The following NRG1 variants were observed in gnomAD, a reference collection of about 807,000 sequenced individuals.
The protein encoded by NRG1 is neuregulin 1, also known as pro-neuregulin-1, membrane-bound isoform.
NRG1 carries 18 observed loss-of-function variants against 63.8 expected under a neutral mutation model. The observed-to-expected ratio is 0.28, with a 90% CI of 0.19 to 0.42. The LOEUF (loss-of-function observed/expected upper bound fraction) is 0.42. Ranked by LOEUF, NRG1 falls within the 10% of genes least tolerant of loss-of-function variation. The pLI, the probability that NRG1 is intolerant of heterozygous loss-of-function variation, is 1.00. For synonymous variants in NRG1, 302 were observed against 301.3 expected (o/e 1.00, Z -0.02); for missense variants, 762 against 814.7 (o/e 0.94, Z 0.79).
intron 1 of NRG1, among the ~76,000 whole-genome samples, chr8:32,269,206 G>C (rs561652150): frequency 2.0e-5 from 3 of 151,502 alleles, no homozygotes; most frequent in South Asian, 4.2e-4. Context: ...CCTTATTTTT[G>C]TCTCTTCCTT....
At chr8:31,736,198 C>G (rs1814646703) in intron 1 of NRG1, among the ~76,000 whole-genome samples, 1 of 152,168 alleles carries the variant, frequency 6.6e-6, no homozygotes, top group Non-Finnish European at 1.5e-5. Flanking sequence ...ATAGGGGCAT[C>G]ACTGATGTTT....
chr8:32,705,808 A>G (rs767761373), intron 5 of NRG1, among the ~76,000 whole-genome samples: 6 of 152,230 alleles, frequency 3.9e-5, no homozygotes, highest in Non-Finnish European at 8.8e-5. Context: ...TGAATCTTGA[A>G]TAGTTTGAAG....
chr8:31,764,201 T>G lies in NRG1; in HGVS notation c.37+124770T>G, dbSNP rs1157677904. ...CAACTTTTTTGAGATAATGGTAGAT[T>G]GACATGCAGTTGCAAGAAATAATAC... On this transcript the variant is annotated intron_variant, in intron 1 of 10. Coordinates refer to the NRG1 transcript ENST00000519301. 2.6e-5 allele frequency among the ~76,000 whole-genome samples: 4 copies of G among 152,122 alleles called. No individual in the cohort carries two copies. In the South Asian group the frequency reaches 8.3e-4, roughly 32 times the overall value.
chr8:32,111,414 G>C (rs556229615), intron 1 of NRG1, among the ~76,000 whole-genome samples: 30 of 152,290 alleles, frequency 2.0e-4, no homozygotes, highest in African/African-American at 7.0e-4. Context: ...ACTGCTCCCG[G>C]ACTTGCTGTA....
At chr8:31,913,345 T>C (rs570766022) in intron 1 of NRG1, among the ~76,000 whole-genome samples, 3 of 152,332 alleles carry the variant, frequency 2.0e-5, no homozygotes, top group African/African-American at 7.2e-5. Context: ...AAAGCATTTA[T>C]TGACCACATG....
chr8:31,926,209 C>A (rs1024949756), intron 1 of NRG1, among the ~76,000 whole-genome samples: 1 of 152,100 alleles, frequency 6.6e-6, no homozygotes, highest in Non-Finnish European at 1.5e-5. Context: ...TAGGATACAG[C>A]CCTTCAGAGG....
chr8:32,191,036 T>C (rs750521761), intron 1 of NRG1, among the ~76,000 whole-genome samples: 1 of 152,200 alleles, frequency 6.6e-6, no homozygotes. Flanking sequence ...AGATGTTCAC[T>C]GTGCAAACAA....
intron 1 of NRG1, among the ~76,000 whole-genome samples, chr8:32,427,649 A>T (rs1817564548): frequency 6.6e-6 from 1 of 152,130 alleles, no homozygotes; most frequent in African/African-American, 2.4e-5. Context: ...AATCCTTTTG[A>T]TTACCTTCAA....
chr8:32,713,972 A>G (rs1291818519), intron 5 of NRG1, among the ~76,000 whole-genome samples: 1 of 151,696 alleles, frequency 6.6e-6, no homozygotes, highest in African/African-American at 2.4e-5. Flanking sequence ...TTACAGGCAC[A>G]CACCACCATG....
chr8:32,662,363 C>T (rs930673207), intron 5 of NRG1, among the ~76,000 whole-genome samples: 1 of 152,100 alleles, frequency 6.6e-6, no homozygotes, highest in African/African-American at 2.4e-5. Flanking sequence ...TTAAGTGTAG[C>T]ATGGGAGGCA....
At chr8:32,647,804 T>C (rs762362331) in intron 5 of NRG1, 1 of 1,613,678 alleles carries the variant, frequency 6.2e-7, no homozygotes, top group Non-Finnish European at 8.5e-7. Context: ...ACCCATCTCT[T>C]GATGGGCTTC....
At chr8:32,284,477 C>CCCTGCCTG (rs202212855) in intron 1 of NRG1, among the ~76,000 whole-genome samples, 1,841 of 141,184 alleles carry the variant, frequency 0.013, 54 homozygotes, top group African/African-American at 0.041. Context: ...ATGCTTGCCT[C>CCCTGCCTG]CCTGCCTGCC....
At chr8:31,855,672 T>C in intron 1 of NRG1, among the ~76,000 whole-genome samples, 1 of 152,218 alleles carries the variant, frequency 6.6e-6, no homozygotes, top group East Asian at 1.9e-4. Context: ...TAGCTGGTTA[T>C]TTTGCTCCTT....
chr8:32,171,749 C>G (rs1471111105), intron 1 of NRG1, among the ~76,000 whole-genome samples: 3 of 152,142 alleles, frequency 2.0e-5, no homozygotes, highest in Non-Finnish European at 4.4e-5. Context: ...TCCCTCATTG[C>G]TAGCACAGCA....
intron 1 of NRG1, among the ~76,000 whole-genome samples, chr8:31,961,097 CTTAAA>C (rs1176046082): frequency 2.6e-5 from 4 of 152,184 alleles, no homozygotes; most frequent in Admixed American, 6.5e-5. Flanking sequence ...TGAGTGTGGA[CTTAAA>C]TTAAAAGTAA....
chr8:32,325,003 A>T (rs1801828463), intron 1 of NRG1, among the ~76,000 whole-genome samples: 1 of 152,238 alleles, frequency 6.6e-6, no homozygotes, highest in East Asian at 1.9e-4. Context: ...AATACTTAAT[A>T]TTAATTGACC....
chr8:31,991,880 A>G (rs1811158050), intron 1 of NRG1, among the ~76,000 whole-genome samples: 1 of 152,010 alleles, frequency 6.6e-6, no homozygotes, highest in Non-Finnish European at 1.5e-5. Context: ...CTGATCTAAT[A>G]CAATTTTTAT....
At chr8:32,503,713 C>T (rs1204722011) in intron 1 of NRG1, among the ~76,000 whole-genome samples, 1 of 152,168 alleles carries the variant, frequency 6.6e-6, no homozygotes, top group African/African-American at 2.4e-5. Flanking sequence ...GGGTATGCAG[C>T]ATCCTTACAT....
At chr8:31,875,435 G>A (rs1034398862) in intron 1 of NRG1, among the ~76,000 whole-genome samples, 1 of 152,136 alleles carries the variant, frequency 6.6e-6, no homozygotes, top group African/African-American at 2.4e-5. Flanking sequence ...ATCACGAACA[G>A]CACTGTAAGA....
Sources: gnomAD v4.1 joint callset for allele counts (sites outside exome capture counted in the v4.1 genomes callset) on GRCh38, gnomAD v4.1.1 for gene constraint, MANE v1.5 for transcripts, NCBI Gene and HGNC (gene_info 2026-07-23, HGNC 2026-07-21) for gene names.